Variants in RUNX1T1 observed in about 807,000 individuals in gnomAD.
RUNX1T1 encodes RUNX1 partner transcriptional co-repressor 1.
Under a neutral mutation model 62.8 loss-of-function variants are expected in RUNX1T1, and 4 were observed. That is an observed-to-expected ratio of 0.06 (90% confidence interval 0.03 to 0.15). The LOEUF is 0.15. RUNX1T1 is among the 10% of genes least tolerant of loss of function. The pLI is 1.00. For synonymous variants in RUNX1T1, 291 were observed against 286.0 expected, an observed-to-expected ratio of 1.02 and a Z score of -0.18; for missense variants, 508 against 754.3, an observed-to-expected ratio of 0.67 and a Z score of 3.82.
chr8:92,097,478 G>A lies in RUNX1T1; in HGVS notation c.-86+2102C>T, dbSNP rs528665289. On this transcript the variant is annotated intron_variant, in intron 1 of 11. Coordinates refer to the RUNX1T1 transcript ENST00000265814. ...ACCACACATACCCCCACCCTTTATT[G>A]CATTTTAGTTAGATCAGCTTGGACA... Among the ~76,000 whole-genome samples the A allele has an allele frequency of 2.0e-3, 298 of 152,128 alleles. 1 individual carries two copies. The highest frequency in any genetic ancestry group is 3.5e-3 in the Non-Finnish European group (236 of 67,980).
At chr8:92,002,858 C>A (rs1438266941) in intron 5 of RUNX1T1, among the ~76,000 whole-genome samples, 2 of 152,064 alleles carry the variant, frequency 1.3e-5, no homozygotes, top group East Asian at 3.9e-4. Flanking sequence ...AGATAAATAA[C>A]CAGAGAAGAG....
chr8:92,015,406 T>C (rs1425184296), intron 2 of RUNX1T1, among the ~76,000 whole-genome samples: 1 of 152,200 alleles, frequency 6.6e-6, no homozygotes, highest in African/African-American at 2.4e-5. Context: ...ATATTTTATG[T>C]ACAAAGCCAA....
At chr8:92,094,618 C>A (rs1001696269) in intron 1 of RUNX1T1, among the ~76,000 whole-genome samples, 1 of 152,116 alleles carries the variant, frequency 6.6e-6, no homozygotes. Flanking sequence ...GCATTTAAAA[C>A]AAGTCACACA....
chr8:92,003,709 T>C (rs1028356894), intron 5 of RUNX1T1, among the ~76,000 whole-genome samples: 1 of 152,192 alleles, frequency 6.6e-6, no homozygotes, highest in South Asian at 2.1e-4. Flanking sequence ...AAATCACCTA[T>C]TGTTGAGCCA....
At chr8:92,044,944 A>C (rs1829127601) in intron 1 of RUNX1T1, among the ~76,000 whole-genome samples, 1 of 152,134 alleles carries the variant, frequency 6.6e-6, no homozygotes, top group Non-Finnish European at 1.5e-5. Flanking sequence ...GAAAGTAATA[A>C]AATAGACCAG....
At chr8:92,008,388 T>TCTCTCTCACACA (rs1554617950) in intron 4 of RUNX1T1, among the ~76,000 whole-genome samples, 1 of 131,898 alleles carries the variant, frequency 7.6e-6, no homozygotes, top group Non-Finnish European at 1.6e-5. Flanking sequence ...TCTCTCTCTC[T>TCTCTCTCACACA]CACACACACA....
chr8:91,966,126 T>A (rs1811550289), intron 10 of RUNX1T1, among the ~76,000 whole-genome samples: 1 of 147,534 alleles, frequency 6.8e-6, no homozygotes, highest in African/African-American at 2.5e-5. Flanking sequence ...ATTTATAAAA[T>A]ATATATATAT....
chr8:92,051,204 C>T (rs1830178889), intron 1 of RUNX1T1, among the ~76,000 whole-genome samples: 1 of 152,128 alleles, frequency 6.6e-6, no homozygotes, highest in Non-Finnish European at 1.5e-5. Flanking sequence ...ATTGATTCCT[C>T]AGCATCTATA....
At chr8:92,035,535 T>A (rs1040808836) in intron 1 of RUNX1T1, among the ~76,000 whole-genome samples, 2 of 152,082 alleles carry the variant, frequency 1.3e-5, no homozygotes, top group African/African-American at 4.8e-5. Flanking sequence ...TGGCTTAATA[T>A]GGTCAATATA....
At chr8:92,048,781 G>C (rs1025564817) in intron 1 of RUNX1T1, among the ~76,000 whole-genome samples, 1 of 152,024 alleles carries the variant, frequency 6.6e-6, no homozygotes, top group Non-Finnish European at 1.5e-5. Context: ...AAACATGTGA[G>C]AGAAATGGTC....
chr8:91,990,978 A>T (rs532983938), intron 6 of RUNX1T1, among the ~76,000 whole-genome samples: 1 of 152,292 alleles, frequency 6.6e-6, no homozygotes, highest in Non-Finnish European at 1.5e-5. Context: ...TACTTCTAAT[A>T]GTTTTATGCA....
At chr8:92,037,345 A>C (rs150542985) in intron 1 of RUNX1T1, among the ~76,000 whole-genome samples, 1,690 of 152,306 alleles carry the variant, frequency 0.011, 31 homozygotes, top group African/African-American at 0.038. Flanking sequence ...ATTCAGTAAC[A>C]GCTGCATTTC....
chr8:91,970,854 T>TG lies in RUNX1T1; in HGVS notation c.1268-7dup. On this transcript the variant is annotated splice_polypyrimidine_tract_variant and splice_region_variant and intron_variant, in intron 9 of 10. Transcript: ENST00000396218. Reference sequence around the variant, plus strand: ...CACCTCATTGACGGCCTCCTCTGTGTGCCAGTCAGGCCAAACCAGACAAGA... The same window carrying TG: ...CACCTCATTGACGGCCTCCTCTGTGTGGCCAGTCAGGCCAAACCAGACAAGA... 3 of 1,603,394 alleles carry TG rather than the reference T, an allele frequency of 1.9e-6. No homozygotes were observed. The South Asian group carries it at 3.3e-5, about 18-fold the overall frequency.
intron 1 of RUNX1T1, among the ~76,000 whole-genome samples, chr8:92,021,401 G>A (rs1211843646): frequency 3.9e-5 from 6 of 152,194 alleles, no homozygotes; most frequent in South Asian, 4.1e-4. Context: ...GGTGCTGGTC[G>A]CTTCTGCCCT....
exon 2 of RUNX1T1, chr8:92,017,290 T>C: frequency 6.2e-7 from 1 of 1,614,130 alleles, no homozygotes; most frequent in Non-Finnish European, 8.5e-7. Context: ...GTGGCATTGT[T>C]GGAGGAGTCA....
chr8:91,957,371 C>A, downstream of RUNX1T1: 1 of 225,460 alleles, frequency 4.4e-6, no homozygotes, highest in Non-Finnish European at 8.8e-6. Flanking sequence ...GCTACTGGTG[C>A]AATATACATG....
chr8:92,076,471 A>G (rs1834437448), intron 1 of RUNX1T1, among the ~76,000 whole-genome samples: 1 of 152,124 alleles, frequency 6.6e-6, no homozygotes, highest in Non-Finnish European at 1.5e-5. Context: ...TGTTTCAAAA[A>G]AATAAATAAT....
Position 92,055,787 on chromosome 8 carries a change from A to G in RUNX1T1, c.7+6759T>C, listed in dbSNP as rs532438800. Among the ~76,000 whole-genome samples, 3 of 152,368 alleles carry G rather than the reference A, an allele frequency of 2.0e-5. No individual in the cohort carries two copies. In the South Asian group the frequency reaches 6.2e-4, roughly 32 times the overall value. On this transcript the variant is annotated intron_variant, in intron 1 of 10. Transcript: ENST00000396218. Reference sequence around the variant, plus strand: ...ATAGAAAGTTTAACAAGTGTTTTCTATAGACAAAAATATTTGTTTTGATTT... The same window carrying G: ...ATAGAAAGTTTAACAAGTGTTTTCTGTAGACAAAAATATTTGTTTTGATTT...
chr8:92,013,808 A>G (rs1822462269), intron 3 of RUNX1T1, among the ~76,000 whole-genome samples: 2 of 152,180 alleles, frequency 1.3e-5, no homozygotes, highest in South Asian at 2.1e-4. Flanking sequence ...CGGTAATTCT[A>G]CCTATAACAA....
Sources: allele counts gnomAD v4.1 joint callset (sites outside exome capture counted in the v4.1 genomes callset), GRCh38; gene constraint gnomAD v4.1.1; transcripts MANE v1.5; gene names NCBI Gene and HGNC (gene_info 2026-07-23, HGNC 2026-07-21).